Variants in APC observed in about 807,000 individuals in gnomAD.
APC encodes the protein APC regulator of Wnt signaling pathway.
APC carries 72 observed loss-of-function variants against 247.0 expected under a neutral mutation model. The ratio of observed to expected loss-of-function variants is 0.29; its 90% CI spans 0.24 to 0.35. The LOEUF is 0.35. Ranked by LOEUF, APC falls within the 10% of genes least tolerant of loss-of-function variation. APC has a pLI of 1.00. For synonymous variants in APC, 1,254 were observed against 1,162.5 expected, an observed-to-expected ratio of 1.08 and a Z score of -1.60; for missense variants, 3,400 against 3,360.7, an observed-to-expected ratio of 1.01 and a Z score of -0.29.
rs769653032 is a variant in APC at position 112,728,206 on chromosome 5, C to T, written c.165+20324C>T. Reference sequence around the variant, plus strand: ...GCAGTGTTGTGATCTCAGCTCACTGCAGCCTCCACCTCCTGGGTTCAAGCG... The same window carrying T: ...GCAGTGTTGTGATCTCAGCTCACTGTAGCCTCCACCTCCTGGGTTCAAGCG... On this transcript the variant is annotated intron_variant, in intron 1 of 13. Coordinates refer to the APC transcript ENST00000507379. Among the ~76,000 whole-genome samples, 53 of 152,090 alleles carry T rather than the reference C, an allele frequency of 3.5e-4. 1 individual carries two copies. Among genetic ancestry groups the T allele is most frequent in the Non-Finnish European group, 3.4e-4 (23 of 68,024 alleles).
At chr5:112,786,221 T>TG (rs1758935201) in intron 6 of APC, among the ~76,000 whole-genome samples, 1 of 152,112 alleles carries the variant, frequency 6.6e-6, no homozygotes. Context: ...TCCCACATAG[T>TG]TGGGACTTTA....
intron 3 of APC, among the ~76,000 whole-genome samples, chr5:112,766,660 G>A (rs1241705787): frequency 3.9e-5 from 6 of 151,936 alleles, no homozygotes; most frequent in African/African-American, 7.3e-5. Context: ...AATAATTTTC[G>A]GCTCTTTGTA....
In APC at chr5:112,842,270, C is replaced by G. The variant is rs1064794626; in HGVS notation, c.6676C>G (p.Arg2226Gly). ...PLQANMPSIS[R>G]GRTMIHIPGV... ...TCAAGCAAACATGCCTTCAATCTCT[C>G]GAGGCAGGACAATGATTCATATTCC... is the stretch of plus-strand genomic sequence containing the variant. The change falls in exon 16 of 16, where the codon CGA becomes GGA. Residue 2226 changes from arginine (R) to glycine (G), a missense_variant. Physicochemically the swap from Arg to Gly is moderately radical, Grantham distance 125. Coordinates refer to ENST00000257430, the MANE Select transcript of APC (RefSeq NM_000038.6). 1 of 1,613,960 alleles carries G rather than the reference C, an allele frequency of 6.2e-7. No homozygotes were observed. The highest frequency in any genetic ancestry group is 8.5e-7 in the Non-Finnish European group (1 of 1,179,890).
intron 11 of APC, among the ~76,000 whole-genome samples, chr5:112,825,631 C>A (rs1253934097): frequency 6.6e-6 from 1 of 152,202 alleles, no homozygotes. Flanking sequence ...GCAGGAGAAT[C>A]ACTTGAACCT....
intron 4 of APC, among the ~76,000 whole-genome samples, chr5:112,774,348 G>A (rs1301709741): frequency 1.3e-5 from 2 of 151,976 alleles, no homozygotes; most frequent in Non-Finnish European, 2.9e-5. Flanking sequence ...TTTTGGATTT[G>A]AGATGCCCAA....
chr5:112,717,908 C>CTTTTTTTTTTTT lies in APC; in HGVS notation c.165+10044_165+10055dup. On this transcript the variant is annotated intron_variant, in intron 1 of 13. Coordinates refer to the APC transcript ENST00000507379. ...CTCTTTTCTTTTTCTTTTTCTTTTT[C>CTTTTTTTTTTTT]TTTTTTTTTTTTTTTTTTTTTTTTT... Among the ~76,000 whole-genome samples the CTTTTTTTTTTTT allele has an allele frequency of 5.6e-3, 226 of 40,674 alleles. 36 individuals are homozygous for CTTTTTTTTTTTT. The highest frequency in any genetic ancestry group is 0.012 in the African/African-American group (135 of 11,354). 26.7% of individuals were successfully genotyped at this position (40,674 alleles called of 152,430 possible).
rs2149639950 is a variant in APC, at chr5:112,780,845, T to C, written c.587T>C (p.Ile196Thr). 6.2e-7 allele frequency: 1 copy of C among 1,613,532 alleles called. No homozygotes were observed. The highest frequency in any genetic ancestry group is 8.5e-7 in the Non-Finnish European group (1 of 1,179,622). Residue 196 changes from isoleucine (I) to threonine (T), a missense_variant, in exon 6 of 16, where the codon ATC becomes ACC. Around this residue, in one of 9 missense-constraint regions of APC, gnomAD observed 372 missense variants for 367.6 expected, o/e 1.01. Coordinates refer to ENST00000257430, the MANE Select transcript of APC (RefSeq NM_000038.6). ...RRQLEYEARQ[I>T]RVAMEEQLGT... Reference sequence around the variant, plus strand: ...CAATTGGAATATGAAGCAAGGCAAATCAGAGTTGCGATGGAAGAACAACTA... The same window carrying C: ...CAATTGGAATATGAAGCAAGGCAAACCAGAGTTGCGATGGAAGAACAACTA...
upstream of APC, among the ~76,000 whole-genome samples, chr5:112,733,382 G>A (rs1186210538): frequency 1.3e-5 from 2 of 152,118 alleles, no homozygotes; most frequent in Admixed American, 1.3e-4. Context: ...CAAATGTAAG[G>A]GTCTTTAAAG....
At chr5:112,728,097 G>C (rs1313929838) in intron 1 of APC, among the ~76,000 whole-genome samples, 1 of 150,702 alleles carries the variant, frequency 6.6e-6, no homozygotes, top group African/African-American at 2.4e-5. Context: ...TTTTTTTTAA[G>C]CTCATCAGCT....
intron 5 of APC, among the ~76,000 whole-genome samples, chr5:112,775,989 A>G (rs1341712420): frequency 1.3e-5 from 2 of 152,210 alleles, no homozygotes; most frequent in African/African-American, 4.8e-5. Flanking sequence ...TGAATTCTAG[A>G]GGACCTCAGG....
At chr5:112,748,764 G>A (rs376865476) in intron 1 of APC, among the ~76,000 whole-genome samples, 34 of 152,210 alleles carry the variant, frequency 2.2e-4, no homozygotes, top group African/African-American at 6.7e-4. Context: ...AGTGAGCCCA[G>A]ATCATGCCAC....
At chr5:112,726,846 G>A (rs2149665732) in intron 1 of APC, among the ~76,000 whole-genome samples, 1 of 152,162 alleles carries the variant, frequency 6.6e-6, no homozygotes, top group South Asian at 2.1e-4. Context: ...GACTTATAAA[G>A]TAAATATGAA....
intron 10 of APC, among the ~76,000 whole-genome samples, chr5:112,821,030 ATTTT>A (rs1268327067): frequency 1.5e-5 from 2 of 132,404 alleles, no homozygotes; most frequent in Admixed American, 7.6e-5. Flanking sequence ...CAACTGACTA[ATTTT>A]TTTTTTTTTT....
intron 4 of APC, among the ~76,000 whole-genome samples, chr5:112,770,778 TG>T (rs1293292856): frequency 3.3e-5 from 5 of 152,120 alleles, no homozygotes; most frequent in African/African-American, 1.2e-4. Flanking sequence ...GATGAAGATT[TG>T]TTAAATTCAC....
At chr5:112,721,012 G>A (rs1028948838) in intron 1 of APC, among the ~76,000 whole-genome samples, 2 of 152,190 alleles carry the variant, frequency 1.3e-5, no homozygotes, top group African/African-American at 4.8e-5. Flanking sequence ...GGTGAAAAAT[G>A]ATGAGAGCAT....
At chr5:112,711,926 C>T (rs2149639117) in intron 1 of APC, among the ~76,000 whole-genome samples, 1 of 152,216 alleles carries the variant, frequency 6.6e-6, no homozygotes, top group African/African-American at 2.4e-5. Flanking sequence ...ATATTATAGC[C>T]CCTTCATTTA....
At chr5:112,772,847 G>A (rs1054320582) in intron 4 of APC, among the ~76,000 whole-genome samples, 6 of 152,106 alleles carry the variant, frequency 3.9e-5, no homozygotes, top group Non-Finnish European at 5.9e-5. Context: ...TCATTTATTA[G>A]GAAGTAATGG....
chr5:112,740,913 T>C (rs971414459), intron 1 of APC, among the ~76,000 whole-genome samples: 9 of 152,232 alleles, frequency 5.9e-5, no homozygotes, highest in African/African-American at 2.2e-4. Context: ...AACCAATCTT[T>C]TATACTTGTA....
intron 7 of APC, among the ~76,000 whole-genome samples, chr5:112,792,839 C>T (rs1324250482): frequency 2.0e-5 from 3 of 151,942 alleles, no homozygotes; most frequent in Non-Finnish European, 4.4e-5. Flanking sequence ...TATAGATAAT[C>T]CATAGTAAGA....
Sources: allele counts gnomAD v4.1 joint callset (sites outside exome capture counted in the v4.1 genomes callset), GRCh38; gene constraint gnomAD v4.1.1; regional missense constraint gnomAD v4.1.1; transcripts MANE v1.5; gene names NCBI Gene and HGNC (gene_info 2026-07-23, HGNC 2026-07-21).